The following USP34 variants were observed in gnomAD, a reference collection of about 807,000 sequenced individuals.
USP34 encodes ubiquitin carboxyl-terminal hydrolase 34.
USP34 carries 70 observed loss-of-function variants against 460.3 expected under a neutral mutation model. That is an observed-to-expected ratio of 0.15 (90% CI 0.13 to 0.19). USP34 has a LOEUF of 0.19. Among genes scored for constraint, USP34 ranks in the 10% least tolerant of loss-of-function variants. The probability of loss-of-function intolerance (pLI) is 1.00; values close to 1 mark genes in which losing one functional copy is unlikely to be tolerated. For missense variants in USP34, 3,985 were observed against 4,236.2 expected, an observed-to-expected ratio of 0.94 and a Z score of 1.65; for synonymous variants, 1,647 against 1,405.3, an observed-to-expected ratio of 1.17 and a Z score of -3.85.
In USP34 at chr2:61,419,550, A is replaced by ATT. The variant is rs905997053; in HGVS notation, c.131+1195_131+1196insAA. Among the ~76,000 whole-genome samples, 59 of 152,298 alleles carry ATT rather than the reference A, an allele frequency of 3.9e-4. 1 individual carries two copies. Among genetic ancestry groups the ATT allele is most frequent in the African/African-American group, 1.4e-3 (59 of 41,580 alleles). The stretch of plus-strand genomic sequence containing the variant: ...ACAAGTGTATTAGGAATGGGAACAT[A>ATT]TAACTCCCACCCCATCTCTACCAAT... On this transcript the variant is annotated intron_variant, in intron 2 of 79. Transcript: ENST00000398571.
At chr2:61,372,190 A>G (rs534881212) in intron 8 of USP34, among the ~76,000 whole-genome samples, 127 of 152,302 alleles carry the variant, frequency 8.3e-4, no homozygotes, top group African/African-American at 2.9e-3. Flanking sequence ...AAGAATTTAC[A>G]TTCTATAATA....
At chr2:61,220,593 A>AT in intron 66 of USP34, 136 bp from the exon 67 acceptor site, 3 of 828,104 alleles carry the variant, frequency 3.6e-6, no homozygotes, top group Middle Eastern at 3.5e-4. Context: ...GTTTCACCCT[A>AT]TTTTTTTCCC....
At position 61,190,329 on chromosome 2, in the gene USP34, A is replaced by C; in HGVS notation, c.9815T>G (p.Leu3272Arg). The change falls in exon 78 of 80, where the codon CTA becomes CGA. Residue 3272 changes from leucine (L) to arginine (R), a missense_variant. This residue lies in a region of USP34 where 506 missense variants were observed against 439.0 expected (regional missense o/e 1.15). Coordinates refer to ENST00000398571, the MANE Select transcript of USP34 (RefSeq NM_014709.4). ...ITNLISQYQN[L>R]QSDFSNRVEI... ...AACTCGGTTGGAGAAATCAGACTGT[A>C]GGTTCTGATACTGGCTTATCAAGTT... 6.2e-7 allele frequency: 1 copy of C among 1,613,874 alleles called. No homozygotes were observed. Among genetic ancestry groups the C allele is most frequent in the Non-Finnish European group, 8.5e-7 (1 of 1,179,940 alleles).
intron 1 of USP34, among the ~76,000 whole-genome samples, chr2:61,433,015 T>A (rs958068920): frequency 1.3e-5 from 2 of 152,092 alleles, no homozygotes; most frequent in African/African-American, 2.4e-5. Context: ...ATGAAGAATA[T>A]TAAAAAAAGA....
At chr2:61,204,445 AG>A in intron 73 of USP34, 51 bp downstream of exon 73, 2 of 1,613,292 alleles carry the variant, frequency 1.2e-6, no homozygotes, top group East Asian at 2.2e-5. Flanking sequence ...TTCAGTGTGC[AG>A]AACGATTAAA....
chr2:61,470,305 G>A (rs1695911803), intron 1 of USP34, among the ~76,000 whole-genome samples: 1 of 152,088 alleles, frequency 6.6e-6, no homozygotes, highest in East Asian at 1.9e-4. Context: ...CCACCTCCCC[G>A]CACCTTCCCG....
intron 23 of USP34, among the ~76,000 whole-genome samples, chr2:61,316,741 C>A (rs1690762226): frequency 6.6e-6 from 1 of 151,726 alleles, no homozygotes; most frequent in African/African-American, 2.4e-5. Flanking sequence ...AAAAATTAGT[C>A]AGGCATGGTG....
intron 5 of USP34, among the ~76,000 whole-genome samples, chr2:61,390,724 T>C (rs1052098699): frequency 2.0e-5 from 3 of 152,182 alleles, no homozygotes; most frequent in African/African-American, 7.2e-5. Flanking sequence ...ATTTCCTTTC[T>C]TTGTTGATAA....
chr2:61,343,974 C>T lies in USP34; in HGVS notation c.2341G>A (p.Val781Ile). Residue 781 changes from valine to isoleucine, a missense_variant, in exon 16 of 80, where the codon GTT becomes ATT. Physicochemically the swap from Val to Ile is conservative, Grantham distance 29. Coordinates refer to ENST00000398571, the MANE Select transcript of USP34 (RefSeq NM_014709.4). Reference sequence around the variant, plus strand: ...ATATTTTTTTCTGATTTTGCACTAACCTGGGAGCTACTACAACTGACATCA... The same window carrying T: ...ATATTTTTTTCTGATTTTGCACTAATCTGGGAGCTACTACAACTGACATCA... The part of the protein sequence containing the change: ...ADDVSCSSSQ[V>I]SAKSEKNMAD... The T allele has an allele frequency of 6.2e-7, 1 of 1,613,866 alleles. No homozygotes were observed. The highest frequency in any genetic ancestry group is 8.5e-7 in the Non-Finnish European group (1 of 1,179,912).
intron 1 of USP34, among the ~76,000 whole-genome samples, chr2:61,441,642 C>G (rs1694966128): frequency 6.6e-6 from 1 of 150,430 alleles, no homozygotes; most frequent in African/African-American, 2.4e-5. Flanking sequence ...TGCGTAAGTG[C>G]CAAAAAAAAA....
chr2:61,200,494 C>G (rs1426503025), intron 75 of USP34: 6 of 152,284 alleles, frequency 3.9e-5, no homozygotes, highest in African/African-American at 1.4e-4. Context: ...TTATATATTT[C>G]TCTTTATCCT....
chr2:61,378,935 A>G (rs532736127), intron 7 of USP34, among the ~76,000 whole-genome samples: 3 of 146,228 alleles, frequency 2.1e-5, no homozygotes, highest in Admixed American at 6.9e-5. Context: ...AAAAAAAAAA[A>G]AACAACACTA....
intron 33 of USP34, among the ~76,000 whole-genome samples, chr2:61,289,135 A>G (rs986731919): frequency 6.6e-6 from 1 of 152,166 alleles, no homozygotes; most frequent in Non-Finnish European, 1.5e-5. Context: ...TTCTTTAATG[A>G]AGGCAATATA....
At chr2:61,333,247 G>C (rs896089437) in intron 19 of USP34, among the ~76,000 whole-genome samples, 13 of 151,998 alleles carry the variant, frequency 8.6e-5, no homozygotes, top group African/African-American at 2.9e-4. Context: ...TCCATAAATG[G>C]AGTAACTAGT....
chr2:61,428,888 T>C (rs1027839809), intron 1 of USP34, among the ~76,000 whole-genome samples: 1 of 152,062 alleles, frequency 6.6e-6, no homozygotes, highest in African/African-American at 2.4e-5. Flanking sequence ...GGCTACAAAC[T>C]ACAGGGCAGC....
intron 57 of USP34, 41 bp downstream of exon 57, chr2:61,235,804 G>A (rs763451327): frequency 5.1e-6 from 8 of 1,568,788 alleles, no homozygotes; most frequent in African/African-American, 4.1e-5. Context: ...AAAAAAAAAA[G>A]AATCTTAAAC....
At chr2:61,412,519 CA>C (rs1694071011) in intron 2 of USP34, among the ~76,000 whole-genome samples, 1 of 151,836 alleles carries the variant, frequency 6.6e-6, no homozygotes, top group African/African-American at 2.4e-5. Context: ...AAAATTATAG[CA>C]ATTTGTAAAA....
At chr2:61,367,875 T>C (rs779881647) in intron 10 of USP34, among the ~76,000 whole-genome samples, 4 of 152,174 alleles carry the variant, frequency 2.6e-5, no homozygotes, top group Non-Finnish European at 5.9e-5. Flanking sequence ...GAAAATATTT[T>C]ACCCCAATGC....
intron 20 of USP34, among the ~76,000 whole-genome samples, chr2:61,329,179 G>A (rs1385907357): frequency 1.3e-5 from 2 of 151,312 alleles, no homozygotes; most frequent in South Asian, 2.1e-4. Context: ...GCGCCACCAC[G>A]CCTGCCTTTT....
Sources: gnomAD v4.1 joint callset for allele counts (sites outside exome capture counted in the v4.1 genomes callset) on GRCh38, gnomAD v4.1.1 for gene constraint, gnomAD v4.1.1 regional missense constraint, MANE v1.5 for transcripts, NCBI Gene and HGNC (gene_info 2026-07-23, HGNC 2026-07-21) for gene names.